Variants in TUSC3 observed in about 807,000 individuals in gnomAD.
The protein encoded by TUSC3 is dolichyl-diphosphooligosaccharide--protein glycosyltransferase subunit TUSC3.
In TUSC3, 45 loss-of-function variants were observed where a neutral mutation model predicts 44.8. The observed-to-expected ratio is 1.00, with a 90% confidence interval of 0.79 to 1.29. The LOEUF (loss-of-function observed/expected upper bound fraction) is 1.29, where lower values mean the gene tolerates loss of function less well. Among genes scored for constraint, TUSC3 ranks in the 50% most tolerant of loss-of-function variants. TUSC3 has a pLI of 0.00. For synonymous variants in TUSC3, 212 were observed against 152.9 expected, an observed-to-expected ratio of 1.39 and a Z score of -2.85; for missense variants, 519 against 437.9, an observed-to-expected ratio of 1.19 and a Z score of -1.65.
chr8:15,620,912 A>G (rs1805214377), intron 1 of TUSC3, among the ~76,000 whole-genome samples: 3 of 152,296 alleles, frequency 2.0e-5, no homozygotes, highest in Admixed American at 2.0e-4. Flanking sequence ...TTTGGTATAA[A>G]TGGGATTTTT....
At chr8:15,809,433 T>C in the TUSC3 span, among the ~76,000 whole-genome samples, 1 of 152,152 alleles carries the variant, frequency 6.6e-6, no homozygotes, top group Non-Finnish European at 1.5e-5. Context: ...TGAAGTTAGT[T>C]ATGTTAGTTT....
At chr8:15,608,047 C>T (rs1011398354) in intron 1 of TUSC3, among the ~76,000 whole-genome samples, 3 of 152,126 alleles carry the variant, frequency 2.0e-5, no homozygotes, top group African/African-American at 4.8e-5. Context: ...ATGTCTATAA[C>T]AATAAATGCC....
At chr8:15,515,194 T>A (rs1163219409) in intron 2 of TUSC3, among the ~76,000 whole-genome samples, 1 of 152,076 alleles carries the variant, frequency 6.6e-6, no homozygotes, top group Non-Finnish European at 1.5e-5. Context: ...TACTTGGGAG[T>A]TGAATTTTAG....
At chr8:15,746,399 A>T (rs1472688884) in intron 8 of TUSC3, among the ~76,000 whole-genome samples, 2 of 151,994 alleles carry the variant, frequency 1.3e-5, no homozygotes, top group African/African-American at 4.8e-5. Flanking sequence ...TTCCTTTTTG[A>T]TGTGATTTTT....
intron 1 of TUSC3, among the ~76,000 whole-genome samples, chr8:15,429,307 C>T (rs1157732781): frequency 6.6e-6 from 1 of 151,982 alleles, no homozygotes; most frequent in Non-Finnish European, 1.5e-5. Flanking sequence ...TCTGAGGGCT[C>T]TGTTCTGTTC....
At chr8:15,544,009 G>A (rs542882122) in intron 1 of TUSC3, among the ~76,000 whole-genome samples, 2 of 152,114 alleles carry the variant, frequency 1.3e-5, no homozygotes, top group South Asian at 4.1e-4. Context: ...TAAAAACAAT[G>A]TTTTGTTATA....
At chr8:15,495,348 T>A (rs1406627427) in intron 2 of TUSC3, among the ~76,000 whole-genome samples, 1 of 152,192 alleles carries the variant, frequency 6.6e-6, no homozygotes, top group African/African-American at 2.4e-5. Flanking sequence ...AAGAACCCAA[T>A]GTTGGTGTTT....
intron 1 of TUSC3, among the ~76,000 whole-genome samples, chr8:15,576,279 GTT>G (rs1175068882): frequency 1.9e-5 from 2 of 104,802 alleles, no homozygotes; most frequent in East Asian, 2.7e-4. Context: ...TGGTCCTCTT[GTT>G]TTTTTTTTTT....
chr8:15,454,158 G>A (rs1800227593), intron 1 of TUSC3, among the ~76,000 whole-genome samples: 1 of 152,132 alleles, frequency 6.6e-6, no homozygotes, highest in Non-Finnish European at 1.5e-5. Flanking sequence ...AGGGACACAA[G>A]ACCCCGGAAG....
At chr8:15,780,769 C>A in the TUSC3 span, among the ~76,000 whole-genome samples, 2 of 152,142 alleles carry the variant, frequency 1.3e-5, no homozygotes, top group African/African-American at 2.4e-5. Flanking sequence ...AGCACCCCAG[C>A]TTTTTACAGC....
intron 1 of TUSC3, among the ~76,000 whole-genome samples, chr8:15,583,920 A>G (rs1257409853): frequency 6.6e-6 from 1 of 152,218 alleles, no homozygotes; most frequent in African/African-American, 2.4e-5. Context: ...AAAGGAAATA[A>G]GAGGAGTAGC....
chr8:15,771,207 C>A (rs1359526284), downstream of TUSC3, among the ~76,000 whole-genome samples: 2 of 152,114 alleles, frequency 1.3e-5, no homozygotes, highest in East Asian at 1.9e-4. Flanking sequence ...AGAGTCTGTT[C>A]TACATAGACC....
At chr8:15,516,820 T>G (rs1801222097) in intron 2 of TUSC3, among the ~76,000 whole-genome samples, 1 of 152,206 alleles carries the variant, frequency 6.6e-6, no homozygotes, top group Admixed American at 6.5e-5. Flanking sequence ...GACTATCCAT[T>G]ATAAAGATTA....
intron 1 of TUSC3, among the ~76,000 whole-genome samples, chr8:15,550,825 C>T (rs956362490): frequency 6.6e-6 from 1 of 151,712 alleles, no homozygotes; most frequent in African/African-American, 2.4e-5. Context: ...GCGTGCACCA[C>T]AACACTTGGC....
chr8:15,581,514 G>C (rs1803333047), intron 1 of TUSC3, among the ~76,000 whole-genome samples: 3 of 147,530 alleles, frequency 2.0e-5, no homozygotes. Context: ...TGTCCTTTCT[G>C]TTTGTTAGTT....
chr8:15,838,379 G>A, the TUSC3 span, among the ~76,000 whole-genome samples: 1 of 152,106 alleles, frequency 6.6e-6, no homozygotes, highest in Non-Finnish European at 1.5e-5. Flanking sequence ...TTTTAATAAA[G>A]TCATAACTAT....
chr8:15,671,593 G>C (rs1269644335), intron 5 of TUSC3, among the ~76,000 whole-genome samples: 1 of 151,900 alleles, frequency 6.6e-6, no homozygotes, highest in Admixed American at 6.6e-5. Context: ...GTTTGAACCT[G>C]GTTTTGTTTT....
chr8:15,617,635 G>C (rs542216697), intron 1 of TUSC3, among the ~76,000 whole-genome samples: 1 of 152,128 alleles, frequency 6.6e-6, no homozygotes, highest in Non-Finnish European at 1.5e-5. Context: ...ACATACCTCT[G>C]TGAGAAACAA....
At chr8:15,432,808 G>C (rs188444108) in intron 1 of TUSC3, among the ~76,000 whole-genome samples, 40 of 149,900 alleles carry the variant, frequency 2.7e-4, no homozygotes, top group Admixed American at 8.6e-4. Context: ...TCTGTTTTTT[G>C]CTTCCCCCAC....
Sources: gnomAD v4.1 joint callset for allele counts (sites outside exome capture counted in the v4.1 genomes callset) on GRCh38, gnomAD v4.1.1 for gene constraint, MANE v1.5 for transcripts, NCBI Gene and HGNC (gene_info 2026-07-23, HGNC 2026-07-21) for gene names.